Variants in ARHGAP15 observed in about 807,000 individuals in gnomAD.
The protein encoded by ARHGAP15 is Rho GTPase activating protein 15.
ARHGAP15 carries 51 observed loss-of-function variants against 63.7 expected under a neutral mutation model. That is an observed-to-expected ratio of 0.80 (90% CI 0.64 to 1.01). The LOEUF (loss-of-function observed/expected upper bound fraction) is 1.01. Ranked by LOEUF, ARHGAP15 falls within the 50% of genes least tolerant of loss-of-function variation. The pLI, the probability that ARHGAP15 is intolerant of heterozygous loss-of-function variation, is 0.00. For synonymous variants in ARHGAP15, 191 were observed against 193.8 expected, an observed-to-expected ratio of 0.99 and a Z score of 0.12; for missense variants, 560 against 564.6, an observed-to-expected ratio of 0.99 and a Z score of 0.08.
chr2:143,260,347 G>A (rs968878713), intron 6 of ARHGAP15, among the ~76,000 whole-genome samples: 2 of 152,054 alleles, frequency 1.3e-5, no homozygotes, highest in African/African-American at 4.8e-5. Flanking sequence ...TCCAATAATC[G>A]TAGAAAGTCT....
At chr2:143,753,732 A>G (rs781619703) in intron 13 of ARHGAP15, among the ~76,000 whole-genome samples, 4 of 152,242 alleles carry the variant, frequency 2.6e-5, no homozygotes, top group Non-Finnish European at 5.9e-5. Context: ...AAAAAATGGC[A>G]TCATTATCTT....
At chr2:143,456,645 T>G (rs747296192) in intron 8 of ARHGAP15, among the ~76,000 whole-genome samples, 4 of 152,086 alleles carry the variant, frequency 2.6e-5, no homozygotes, top group Non-Finnish European at 4.4e-5. Context: ...AATTTTATAT[T>G]CATTTACAGA....
intron 6 of ARHGAP15, among the ~76,000 whole-genome samples, chr2:143,310,422 T>C (rs1388621732): frequency 1.3e-5 from 2 of 152,030 alleles, no homozygotes; most frequent in Non-Finnish European, 2.9e-5. Context: ...TCAGCACTGT[T>C]TCAATTGAAA....
At chr2:143,204,073 C>T (rs1456397859) in intron 3 of ARHGAP15, among the ~76,000 whole-genome samples, 1 of 152,074 alleles carries the variant, frequency 6.6e-6, no homozygotes, top group African/African-American at 2.4e-5. Flanking sequence ...TTGTTTCAGT[C>T]GTAACATAAA....
chr2:143,757,139 GA>G (rs371958594), intron 13 of ARHGAP15, among the ~76,000 whole-genome samples: 2,109 of 146,480 alleles, frequency 0.014, 40 homozygotes, highest in African/African-American at 0.043. Flanking sequence ...CTAAACAAAA[GA>G]AAAAAAAAAT....
intron 6 of ARHGAP15, among the ~76,000 whole-genome samples, chr2:143,382,309 G>A (rs1687093856): frequency 6.6e-6 from 1 of 152,026 alleles, no homozygotes; most frequent in South Asian, 2.1e-4. Flanking sequence ...GTGTCTTCAG[G>A]GCACGCTCCC....
chr2:143,560,896 T>C (rs139669507), intron 11 of ARHGAP15, among the ~76,000 whole-genome samples: 99 of 152,346 alleles, frequency 6.5e-4, no homozygotes, highest in African/African-American at 2.3e-3. Flanking sequence ...GCCCTGTTTG[T>C]TGAATTTGGT....
chr2:143,143,827 T>C (rs1385192757), intron 1 of ARHGAP15, among the ~76,000 whole-genome samples: 1 of 152,028 alleles, frequency 6.6e-6, no homozygotes, highest in African/African-American at 2.4e-5. Flanking sequence ...TAAACTTGTG[T>C]CATGGGGGTT....
chr2:143,429,450 A>C (rs1194242756), intron 6 of ARHGAP15, among the ~76,000 whole-genome samples: 2 of 152,100 alleles, frequency 1.3e-5, no homozygotes, highest in Non-Finnish European at 2.9e-5. Context: ...TTGGCCTTAA[A>C]CCTTAGATTT....
At chr2:143,396,190 T>C (rs1687748151) in intron 6 of ARHGAP15, among the ~76,000 whole-genome samples, 1 of 152,138 alleles carries the variant, frequency 6.6e-6, no homozygotes. Context: ...TCTGTGTTTT[T>C]AGTTTTTTTT....
At chr2:143,158,479 A>G (rs1045376719) in intron 2 of ARHGAP15, among the ~76,000 whole-genome samples, 8 of 151,948 alleles carry the variant, frequency 5.3e-5, no homozygotes, top group Non-Finnish European at 1.2e-4. Context: ...CTCCATTAGT[A>G]TTTTATTGGT....
chr2:143,637,218 TTATTTGCACAACTTTA>T (rs1165228940), intron 12 of ARHGAP15, among the ~76,000 whole-genome samples: 1 of 152,130 alleles, frequency 6.6e-6, no homozygotes, highest in African/African-American at 2.4e-5. Context: ...GTGGACCGTT[TTATTTGCACAACTTTA>T]TCAGTGCAGA....
chr2:143,512,023 C>T (rs890953849), intron 9 of ARHGAP15, among the ~76,000 whole-genome samples: 56 of 152,118 alleles, frequency 3.7e-4, no homozygotes, highest in African/African-American at 1.2e-3. Context: ...GAAACTTGTC[C>T]AAACTGTAAA....
At chr2:143,258,738 A>T (rs577679556) in intron 6 of ARHGAP15, among the ~76,000 whole-genome samples, 1 of 152,138 alleles carries the variant, frequency 6.6e-6, no homozygotes, top group Admixed American at 6.6e-5. Flanking sequence ...ACTGATGGGT[A>T]TGAGATGGCT....
At chr2:143,442,710 G>T in intron 8 of ARHGAP15, among the ~76,000 whole-genome samples, 1 of 152,260 alleles carries the variant, frequency 6.6e-6, no homozygotes, top group Admixed American at 6.5e-5. Context: ...AACATTTGAT[G>T]AATCTAGGTG....
intron 12 of ARHGAP15, among the ~76,000 whole-genome samples, chr2:143,630,438 G>C (rs1028770226): frequency 6.6e-6 from 1 of 152,048 alleles, no homozygotes; most frequent in African/African-American, 2.4e-5. Flanking sequence ...GAAGAAGTTA[G>C]GATGAAAAGC....
At chr2:143,408,267 T>G (rs1342196588) in intron 6 of ARHGAP15, among the ~76,000 whole-genome samples, 1 of 149,958 alleles carries the variant, frequency 6.7e-6, no homozygotes, top group African/African-American at 2.4e-5. Flanking sequence ...TTTCATATTC[T>G]TAATCTGCAA....
At chr2:143,648,287 T>A (rs901037601) in intron 12 of ARHGAP15, among the ~76,000 whole-genome samples, 3 of 152,090 alleles carry the variant, frequency 2.0e-5, no homozygotes, top group African/African-American at 7.2e-5. Flanking sequence ...CTGCTATTTG[T>A]GTGCTTGAAT....
chr2:143,286,532 A>C (rs183742258), intron 6 of ARHGAP15, among the ~76,000 whole-genome samples: 19 of 152,322 alleles, frequency 1.2e-4, no homozygotes, highest in Middle Eastern at 3.4e-3. Context: ...TCTGCATGTG[A>C]GTGTGCTCAC....
Sources: gnomAD v4.1 joint callset for allele counts (sites outside exome capture counted in the v4.1 genomes callset) on GRCh38, gnomAD v4.1.1 for gene constraint, MANE v1.5 for transcripts, NCBI Gene and HGNC (gene_info 2026-07-23, HGNC 2026-07-21) for gene names.